BBX: variants seen among roughly 807,000 people sequenced by gnomAD.
BBX encodes HMG box transcription factor BBX.
BBX carries 30 observed loss-of-function variants against 100.2 expected under a neutral mutation model. The ratio of observed to expected loss-of-function variants is 0.30; its 90% CI spans 0.22 to 0.41. The LOEUF (loss-of-function observed/expected upper bound fraction) is 0.41. Among genes scored for constraint, BBX ranks in the 10% least tolerant of loss-of-function variants. The pLI is 1.00. For synonymous variants in BBX, 376 were observed against 388.1 expected, an observed-to-expected ratio of 0.97 and a Z score of 0.37; for missense variants, 1,023 against 1,129.8, an observed-to-expected ratio of 0.91 and a Z score of 1.35.
At chr3:107,571,618 G>A (rs186376438) in intron 2 of BBX, among the ~76,000 whole-genome samples, 63 of 152,312 alleles carry the variant, frequency 4.1e-4, no homozygotes, top group Admixed American at 2.0e-3. Flanking sequence ...CTGAGGACCC[G>A]AGGTCATAGG....
At chr3:107,790,389 G>T (rs186363763) in intron 14 of BBX, among the ~76,000 whole-genome samples, 2 of 151,914 alleles carry the variant, frequency 1.3e-5, no homozygotes, top group South Asian at 2.1e-4. Flanking sequence ...ACCCCCCCTC[G>T]TTTGCCAGGC....
At chr3:107,630,315 T>C (rs1200352373) in intron 2 of BBX, among the ~76,000 whole-genome samples, 3 of 152,210 alleles carry the variant, frequency 2.0e-5, no homozygotes, top group African/African-American at 4.8e-5. Context: ...TTTTTGAGGT[T>C]CCTACAGATT....
intron 3 of BBX, among the ~76,000 whole-genome samples, chr3:107,702,011 A>G (rs760736881): frequency 1.3e-5 from 2 of 152,206 alleles, no homozygotes; most frequent in African/African-American, 2.4e-5. Flanking sequence ...GGGATTGACT[A>G]TGTAACTGAG....
chr3:107,751,535 T>A (rs1228865457), intron 9 of BBX, among the ~76,000 whole-genome samples: 2 of 152,024 alleles, frequency 1.3e-5, no homozygotes, highest in Non-Finnish European at 2.9e-5. Context: ...TTTGTTTTGA[T>A]TTTTTTTCAT....
At chr3:107,720,775 T>C (rs1284670960) in intron 5 of BBX, among the ~76,000 whole-genome samples, 1 of 152,096 alleles carries the variant, frequency 6.6e-6, no homozygotes, top group African/African-American at 2.4e-5. Context: ...TTTTATTGAC[T>C]AGTTCTTTCA....
intron 3 of BBX, among the ~76,000 whole-genome samples, chr3:107,658,550 GGGC>G (rs1258283669): frequency 6.6e-6 from 1 of 152,080 alleles, no homozygotes; most frequent in Non-Finnish European, 1.5e-5. Context: ...TGGAGTATTT[GGGC>G]CAACTGCATA....
At position 107,732,900 on chromosome 3, in the gene BBX, G is replaced by C. The variant is rs933247592; in HGVS notation, c.602-56G>C. 2.1e-6 allele frequency: 3 copies of C among 1,398,642 alleles called. No individual in the cohort carries two copies. In the Admixed American group the frequency reaches 5.4e-5, roughly 25 times the overall value. The allele number at this position is 1,398,642 out of a possible 1,614,324, so 86.6% of individuals were successfully genotyped here. ...CTTTATGAGTATTCTTTTTGACTCT[G>C]TGGATTGTATGTACTTTATGCTTAT... On this transcript the variant is annotated intron_variant, in intron 6 of 17. Transcript: ENST00000325805.
intron 3 of BBX, among the ~76,000 whole-genome samples, chr3:107,699,010 G>A (rs1049911768): frequency 2.0e-5 from 3 of 151,830 alleles, no homozygotes; most frequent in African/African-American, 7.3e-5. Flanking sequence ...TCAGGGAACA[G>A]TCCTAGAACT....
chr3:107,710,405 C>T, intron 3 of BBX, 47 bp from the exon 4 acceptor site: 1 of 1,475,278 alleles, frequency 6.8e-7, no homozygotes, highest in Non-Finnish European at 9.2e-7. Context: ...CGGTGTCTCT[C>T]TTTCTCTCCC....
At chr3:107,535,326 TTACG>T (rs2048414884) in intron 2 of BBX, among the ~76,000 whole-genome samples, 2 of 152,106 alleles carry the variant, frequency 1.3e-5, no homozygotes, top group Admixed American at 6.5e-5. Context: ...GTAAGGAAAG[TTACG>T]TGAAAAAGTC....
intron 5 of BBX, among the ~76,000 whole-genome samples, chr3:107,725,375 C>G (rs2062845809): frequency 6.6e-6 from 1 of 152,150 alleles, no homozygotes; most frequent in African/African-American, 2.4e-5. Context: ...TTGACTTCCT[C>G]TTTTCCTAAT....
intron 2 of BBX, among the ~76,000 whole-genome samples, chr3:107,618,680 AT>A (rs2055492849): frequency 6.6e-6 from 1 of 151,808 alleles, no homozygotes; most frequent in African/African-American, 2.4e-5. Flanking sequence ...TTTAGTTTCC[AT>A]GTGTTGGGGT....
chr3:107,728,393 G>C (rs2063103660), intron 5 of BBX, among the ~76,000 whole-genome samples: 1 of 152,136 alleles, frequency 6.6e-6, no homozygotes. Flanking sequence ...CTTGGTTACT[G>C]TAGCCCTAAG....
At chr3:107,733,107 C>A in intron 7 of BBX, 84 bp downstream of exon 7, 1 of 1,185,248 alleles carries the variant, frequency 8.4e-7, no homozygotes, top group Non-Finnish European at 1.2e-6. Flanking sequence ...GTTCATTCTG[C>A]ATTTTCACTG....
intron 2 of BBX, among the ~76,000 whole-genome samples, chr3:107,630,705 A>C (rs1457132009): frequency 6.6e-6 from 1 of 152,184 alleles, no homozygotes; most frequent in Admixed American, 6.5e-5. Context: ...GTGTGGGATT[A>C]TAAGGAAAAG....
At chr3:107,658,557 C>T (rs1007806616) in intron 3 of BBX, among the ~76,000 whole-genome samples, 1 of 152,162 alleles carries the variant, frequency 6.6e-6, no homozygotes, top group African/African-American at 2.4e-5. Context: ...TTTGGGCCAA[C>T]TGCATATGCA....
At chr3:107,583,966 ATATATATTATTATATTAT>A (rs1189272969) in intron 2 of BBX, among the ~76,000 whole-genome samples, 9 of 91,250 alleles carry the variant, frequency 9.9e-5, no homozygotes, top group East Asian at 2.6e-4. Flanking sequence ...TATATATATT[ATATATATTATTATATTAT>A]TATATATTAT....
intron 2 of BBX, among the ~76,000 whole-genome samples, chr3:107,557,427 C>A (rs2050164567): frequency 6.6e-6 from 1 of 152,166 alleles, no homozygotes; most frequent in Non-Finnish European, 1.5e-5. Flanking sequence ...CACTGAAACA[C>A]CAAAAATTCC....
At chr3:107,759,652 G>A (rs967245835) in intron 10 of BBX, among the ~76,000 whole-genome samples, 1 of 152,108 alleles carries the variant, frequency 6.6e-6, no homozygotes, top group Admixed American at 6.5e-5. Context: ...TATTCTCACA[G>A]TAGTTATTGA....
Sources: gnomAD v4.1 joint callset for allele counts (sites outside exome capture counted in the v4.1 genomes callset) on GRCh38, gnomAD v4.1.1 for gene constraint, MANE v1.5 for transcripts, NCBI Gene and HGNC (gene_info 2026-07-23, HGNC 2026-07-21) for gene names.